The following FRMD4A variants were observed in gnomAD, a reference collection of about 807,000 sequenced individuals.
FRMD4A encodes FERM domain containing 4A.
Under a neutral mutation model 129.1 loss-of-function variants are expected in FRMD4A, and 29 were observed. The observed-to-expected ratio is 0.22, with a 90% CI of 0.17 to 0.31. The LOEUF is 0.31. Among genes scored for constraint, FRMD4A ranks in the 10% least tolerant of loss-of-function variants. The probability of loss-of-function intolerance (pLI) is 1.00; values close to 1 mark genes in which losing one functional copy is unlikely to be tolerated. For synonymous variants in FRMD4A, 634 were observed against 571.6 expected (o/e 1.11, Z -1.56); for missense variants, 1,272 against 1,375.8 (o/e 0.92, Z 1.19).
Position 13,656,661 on chromosome 10 carries a change from C to T in FRMD4A, c.2928G>A (p.Met976Ile). ...TFVAHSRVTRMPQMCKATSAA... is the reference protein window; with the variant it reads ...TFVAHSRVTRIPQMCKATSAA... ...CTGACGTGGCCTTGCACATCTGGGG[C>T]ATCCTGGTGACCCTGCTGTGCGCCA... is the stretch of plus-strand genomic sequence containing the variant. The change falls in exon 22 of 25, where the codon ATG (methionine) becomes ATA (isoleucine). Residue 976 changes from methionine (M) to isoleucine (I), a missense_variant. Met to Ile is a conservative substitution (Grantham distance 10). Around this residue, in one of 2 missense-constraint regions of FRMD4A, gnomAD observed 972 missense variants for 892.3 expected, o/e 1.09. Coordinates refer to ENST00000357447, the MANE Select transcript of FRMD4A (RefSeq NM_018027.5). 6.7e-7 allele frequency: 1 copy of T among 1,501,888 alleles called. No individual in the cohort carries two copies. The highest frequency in any genetic ancestry group is 2.6e-5 in the East Asian group (1 of 38,196). The allele number at this position is 1,501,888 out of a possible 1,614,324, so 93.0% of individuals were successfully genotyped here. A position where few individuals can be genotyped will look rare whatever the true frequency, so the allele number is the denominator to read the frequency against.
At chr10:13,689,549 CTTTTT>C (rs34800095) in intron 15 of FRMD4A, among the ~76,000 whole-genome samples, 5 of 128,638 alleles carry the variant, frequency 3.9e-5, no homozygotes, top group African/African-American at 1.5e-4. Context: ...TTAGAAGATT[CTTTTT>C]TTTTTTTTTT....
At chr10:14,226,531 G>C (rs1843441768) in intron 2 of FRMD4A, among the ~76,000 whole-genome samples, 1 of 152,152 alleles carries the variant, frequency 6.6e-6, no homozygotes, top group Non-Finnish European at 1.5e-5. Flanking sequence ...TTCCTTCCGG[G>C]CGCCATACTG....
intron 2 of FRMD4A, among the ~76,000 whole-genome samples, chr10:13,941,824 A>C (rs1237248237): frequency 6.6e-6 from 1 of 152,228 alleles, no homozygotes; most frequent in African/African-American, 2.4e-5. Context: ...AAAAACAGAA[A>C]GTCTTAGAGA....
chr10:14,299,570 A>T (rs968575557), intron 2 of FRMD4A, among the ~76,000 whole-genome samples: 2 of 152,168 alleles, frequency 1.3e-5, no homozygotes, highest in Non-Finnish European at 2.9e-5. Flanking sequence ...GCCAGAATGT[A>T]AATTGAGCAT....
At chr10:14,307,571 C>A (rs1846394637) in intron 2 of FRMD4A, among the ~76,000 whole-genome samples, 1 of 152,222 alleles carries the variant, frequency 6.6e-6, no homozygotes, top group South Asian at 2.1e-4. Context: ...CTCTCACCTG[C>A]TACACGTGTT....
At chr10:14,127,934 C>G (rs1262323810) in intron 2 of FRMD4A, among the ~76,000 whole-genome samples, 2 of 8,288 alleles carry the variant, frequency 2.4e-4, no homozygotes, top group African/African-American at 1.7e-3. Context: ...TTCTTTCTTT[C>G]TTTCTTTCTT....
intron 2 of FRMD4A, among the ~76,000 whole-genome samples, chr10:14,020,618 C>A (rs1832699770): frequency 6.6e-6 from 1 of 152,116 alleles, no homozygotes; most frequent in Non-Finnish European, 1.5e-5. Flanking sequence ...GGGCATCAGG[C>A]AATCTCCCTG....
chr10:14,047,815 G>A (rs1834054009), intron 2 of FRMD4A, among the ~76,000 whole-genome samples: 1 of 152,230 alleles, frequency 6.6e-6, no homozygotes, highest in Non-Finnish European at 1.5e-5. Context: ...TGGAATAGGA[G>A]GAGGCCCTGG....
At chr10:14,097,058 C>A (rs1837003400) in intron 2 of FRMD4A, 1 of 144,586 alleles carries the variant, frequency 6.9e-6, no homozygotes. Flanking sequence ...TCGCTTGAAC[C>A]CGGGAAGCAG....
intron 2 of FRMD4A, among the ~76,000 whole-genome samples, chr10:14,109,545 C>T (rs368344099): frequency 1.3e-5 from 2 of 152,170 alleles, no homozygotes; most frequent in East Asian, 1.9e-4. Context: ...ATTCTCCTGC[C>T]GCAGAACAAA....
At chr10:14,291,914 T>C (rs1377708839) in intron 2 of FRMD4A, among the ~76,000 whole-genome samples, 1 of 152,032 alleles carries the variant, frequency 6.6e-6, no homozygotes, top group Non-Finnish European at 1.5e-5. Flanking sequence ...ATTTGTTAAA[T>C]TTAGTCATTT....
At chr10:14,189,971 GC>G (rs1842266841) in intron 2 of FRMD4A, among the ~76,000 whole-genome samples, 2 of 152,158 alleles carry the variant, frequency 1.3e-5, no homozygotes, top group Non-Finnish European at 2.9e-5. Flanking sequence ...CTGACTCTAG[GC>G]TAAAACATGA....
At chr10:14,070,413 C>A (rs1313371500) in intron 2 of FRMD4A, among the ~76,000 whole-genome samples, 1 of 152,186 alleles carries the variant, frequency 6.6e-6, no homozygotes, top group African/African-American at 2.4e-5. Context: ...CCTCCCCTCC[C>A]CAATATCTTT....
intron 2 of FRMD4A, among the ~76,000 whole-genome samples, chr10:13,867,805 AAAT>A (rs1246500631): frequency 1.5e-5 from 2 of 136,166 alleles, no homozygotes; most frequent in South Asian, 2.1e-4. Flanking sequence ...AATATATAAT[AAAT>A]AATACATAAT....
intron 2 of FRMD4A, among the ~76,000 whole-genome samples, chr10:13,874,245 C>CAAAAAAA (rs71388124): frequency 5.5e-4 from 42 of 76,398 alleles, no homozygotes; most frequent in African/African-American, 1.9e-3. Flanking sequence ...GACACTGTCT[C>CAAAAAAA]AAAAAAAAAA....
At chr10:14,227,047 C>G (rs1843463054) in intron 2 of FRMD4A, among the ~76,000 whole-genome samples, 1 of 152,090 alleles carries the variant, frequency 6.6e-6, no homozygotes, top group Non-Finnish European at 1.5e-5. Context: ...AGCCTCATGG[C>G]TGACCACTCC....
intron 2 of FRMD4A, among the ~76,000 whole-genome samples, chr10:13,988,595 T>C (rs1267796671): frequency 1.3e-5 from 2 of 152,108 alleles, no homozygotes; most frequent in African/African-American, 4.8e-5. Flanking sequence ...CATATATACA[T>C]AGATAGATGA....
chr10:14,307,785 A>G (rs1440887799), intron 2 of FRMD4A, among the ~76,000 whole-genome samples: 1 of 152,142 alleles, frequency 6.6e-6, no homozygotes, highest in Non-Finnish European at 1.5e-5. Context: ...CACGAACGAT[A>G]AGGGAATCAG....
chr10:14,248,028 T>C (rs1844306550), intron 2 of FRMD4A, among the ~76,000 whole-genome samples: 1 of 152,210 alleles, frequency 6.6e-6, no homozygotes, highest in African/African-American at 2.4e-5. Flanking sequence ...ACCTTCCTGC[T>C]GTCCCTACCC....
Sources: allele counts gnomAD v4.1 joint callset (sites outside exome capture counted in the v4.1 genomes callset), GRCh38; gene constraint gnomAD v4.1.1; regional missense constraint gnomAD v4.1.1; transcripts MANE v1.5; gene names NCBI Gene and HGNC (gene_info 2026-07-23, HGNC 2026-07-21).